The following KIR2DL1 variants were observed in gnomAD, a reference collection of about 807,000 sequenced individuals.
The protein encoded by KIR2DL1 is killer cell immunoglobulin-like receptor 2DL1.
In KIR2DL1, 38 loss-of-function variants were observed where a neutral mutation model predicts 33.9. The ratio of observed to expected loss-of-function variants is 1.12; its 90% CI spans 0.86 to 1.47. The LOEUF (loss-of-function observed/expected upper bound fraction) is 1.47. Among genes scored for constraint, KIR2DL1 ranks in the 40% most tolerant of loss-of-function variants. KIR2DL1 has a pLI of 0.00. For missense variants in KIR2DL1, 531 were observed against 433.9 expected, an observed-to-expected ratio of 1.22 and a Z score of -1.99; for synonymous variants, 179 against 165.9, an observed-to-expected ratio of 1.08 and a Z score of -0.61.
intron 4 of KIR2DL1, among the ~76,000 whole-genome samples, chr19:54,776,555 GAT>G (rs1395802045): frequency 1.4e-5 from 2 of 146,532 alleles, no homozygotes; most frequent in Non-Finnish European, 3.0e-5. Context: ...TACGAGTGCA[GAT>G]ATCACTTCGA....
intron 5 of KIR2DL1, among the ~76,000 whole-genome samples, chr19:54,781,964 C>G (rs1226402378): frequency 6.6e-6 from 1 of 152,050 alleles, no homozygotes; most frequent in Non-Finnish European, 1.5e-5. Context: ...CTATCACTCA[C>G]CGTCACTCCA....
In KIR2DL1 at chr19:54,783,510, C is replaced by G. The variant is rs760600434; in HGVS notation, c.842C>G (p.Ser281Cys). Reference sequence around the variant, plus strand: ...GATGCTGCGGTAATGGACCAAGAGTCTGCAGGAAACAGAACAGCGAATAGC... The same window carrying G: ...GATGCTGCGGTAATGGACCAAGAGTGTGCAGGAAACAGAACAGCGAATAGC... ...KKNAAVMDQESAGNRTANSED... is the reference protein window; with the variant it reads ...KKNAAVMDQECAGNRTANSED... Residue 281 changes from serine to cysteine, a missense_variant, in exon 7 of 8, where the codon TCT (serine) becomes TGT (cysteine). Transcript: ENST00000336077. 3.1e-6 allele frequency: 5 copies of G among 1,613,640 alleles called. No individual in the cohort carries two copies. Among genetic ancestry groups the G allele is most frequent in the Non-Finnish European group, 4.2e-6 (5 of 1,179,798 alleles).
Position 54,775,407 on chromosome 19 carries a change from T to G in KIR2DL1, c.613T>G (p.Ser205Ala), listed in dbSNP as rs762122691. The G allele has an allele frequency of 3.8e-6, 6 of 1,582,746 alleles. 1 individual carries two copies. The highest frequency in any genetic ancestry group is 1.7e-5 in the Admixed American group (1 of 58,710). Residue 205 changes from serine (S) to alanine (A), a missense_variant, in exon 4 of 8, where the codon TCT becomes GCT. Coordinates refer to ENST00000336077, the MANE Select transcript of KIR2DL1 (RefSeq NM_014218.3). The part of the protein sequence containing the change: ...TYRCFGSFHD[S>A]PYEWSKSSDP... ...CAGATGCTTCGGCTCTTTCCATGAC[T>G]CTCCATACGAGTGGTCAAAGTCAAG...
intron 5 of KIR2DL1, among the ~76,000 whole-genome samples, chr19:54,779,225 C>G (rs1356975822): frequency 2.0e-5 from 3 of 148,206 alleles, no homozygotes. Flanking sequence ...CAAATTTCCA[C>G]AAGATTCGTG....
chr19:54,772,262 T>C (rs12609940), intron 2 of KIR2DL1, among the ~76,000 whole-genome samples: 28,949 of 145,762 alleles, frequency 0.2, 4,747 homozygotes, highest in Non-Finnish European at 0.29. Flanking sequence ...TACAGCAGCA[T>C]AATGGGAGTC....
intron 2 of KIR2DL1, 102 bp downstream of exon 2, chr19:54,770,986 G>A (rs2075650029): frequency 1.3e-6 from 2 of 1,487,850 alleles, no homozygotes; most frequent in Admixed American, 1.7e-5. Context: ...AAACTAGGAA[G>A]AAGGGACCCT....
rs1337678901 is a variant in KIR2DL1 at position 54,782,062 on chromosome 19, A to T, written c.716-860A>T. Reference sequence around the variant, plus strand: ...GAGTGACAACAGAAACCTATATTTCAATGTGACCCAGTCCCTCAAGGCTCA... The same window carrying T: ...GAGTGACAACAGAAACCTATATTTCTATGTGACCCAGTCCCTCAAGGCTCA... On this transcript the variant is annotated intron_variant, in intron 5 of 7. Transcript: ENST00000336077. 2.0e-5 allele frequency among the ~76,000 whole-genome samples: 3 copies of T among 152,108 alleles called. No homozygotes were observed. The South Asian group carries it at 6.2e-4, about 31-fold the overall frequency.
At chr19:54,777,614 T>A (rs1358205928) in intron 4 of KIR2DL1, among the ~76,000 whole-genome samples, 1 of 149,048 alleles carries the variant, frequency 6.7e-6, no homozygotes, top group Non-Finnish European at 1.5e-5. Flanking sequence ...GCTCCCAATC[T>A]GTGGGTTGTC....
Position 54,773,378 on chromosome 19 carries a change from T to C in KIR2DL1, c.116T>C (p.Val39Ala). 1 of 1,599,642 alleles carries C rather than the reference T, an allele frequency of 6.3e-7. No homozygotes were observed. The highest frequency in any genetic ancestry group is 8.5e-7 in the Non-Finnish European group (1 of 1,170,756). The change falls in exon 3 of 8, where the codon GTG becomes GCG. Residue 39 changes from valine (V) to alanine (A), a missense_variant. Coordinates refer to ENST00000336077, the MANE Select transcript of KIR2DL1 (RefSeq NM_014218.3). ...PSLLAHPGRLVKSEETVILQC... is the reference protein window; with the variant it reads ...PSLLAHPGRLAKSEETVILQC... ...CTCCTGGCCCACCCAGGTCGCCTGG[T>C]GAAATCAGAAGAGACAGTCATCCTG... is the stretch of plus-strand genomic sequence containing the variant.
At chr19:54,772,446 G>A (rs1182667215) in intron 2 of KIR2DL1, among the ~76,000 whole-genome samples, 2 of 145,508 alleles carry the variant, frequency 1.4e-5, no homozygotes, top group Admixed American at 7.0e-5. Flanking sequence ...AGAATTGGAA[G>A]GGGTTAGTGT....
chr19:54,775,488 C>A, intron 4 of KIR2DL1, 30 bp downstream of exon 4: 1 of 1,564,358 alleles, frequency 6.4e-7, no homozygotes, highest in Non-Finnish European at 8.8e-7. Flanking sequence ...GTCCCATGTC[C>A]TATGATCCTA....
At chr19:54,783,219 T>C (rs1268542722) in intron 6 of KIR2DL1, among the ~76,000 whole-genome samples, 196 bp downstream of exon 6, 29 of 151,538 alleles carry the variant, frequency 1.9e-4, no homozygotes, top group African/African-American at 5.1e-4. Context: ...GATTCTGAAC[T>C]GTATCCCCAT....
intron 3 of KIR2DL1, among the ~76,000 whole-genome samples, chr19:54,773,926 T>C (rs1307572585): frequency 6.7e-6 from 1 of 148,644 alleles, no homozygotes; most frequent in African/African-American, 2.5e-5. Context: ...ATGCTGACTT[T>C]GCTCAGAGAC....
Position 54,783,120 on chromosome 19 carries a change from C to G in KIR2DL1, c.817+97C>G. On this transcript the variant is annotated intron_variant, in intron 6 of 7. Transcript: ENST00000336077. ...GTGTTCCTCACAAACAGGATGGTCC[C>G]TGGCCCAAGGCAGCAGCCACAGAGG... 6 of 1,409,126 alleles carry G rather than the reference C, an allele frequency of 4.3e-6. No homozygotes were observed. In the South Asian group the frequency reaches 6.9e-5, roughly 16 times the overall value. The allele number at this position is 1,409,126 out of a possible 1,614,324, so 87.3% of individuals were successfully genotyped here. A position where few individuals can be genotyped will look rare whatever the true frequency, so the allele number is the denominator to read the frequency against.
chr19:54,783,716 G>A lies in KIR2DL1; in HGVS notation c.950G>A (p.Arg317His), dbSNP rs201527316. 1,624 of 1,613,388 alleles carry A rather than the reference G, an allele frequency of 1.0e-3. 14 individuals carry two copies. In the African/African-American group the frequency reaches 0.017, roughly 17 times the overall value. Residue 317 changes from arginine (R) to histidine (H), a missense_variant, in exon 8 of 8, where the codon CGC becomes CAC. Physicochemically the swap from Arg to His is conservative, Grantham distance 29 (BLOSUM62 0). Coordinates refer to ENST00000336077, the MANE Select transcript of KIR2DL1 (RefSeq NM_014218.3). ...GTTTTCACACAGAGAAAAATCACTC[G>A]CCCTTCTCAGAGGCCCAAGACACCC... ...HCVFTQRKIT[R>H]PSQRPKTPPT...
At chr19:54,771,285 A>G (rs771139107) in intron 2 of KIR2DL1, among the ~76,000 whole-genome samples, 7 of 148,180 alleles carry the variant, frequency 4.7e-5, no homozygotes, top group Non-Finnish European at 9.1e-5. Flanking sequence ...TCAGTTGTTT[A>G]TTTTCGTTCA....
At chr19:54,778,222 G>A (rs1369380890) in intron 4 of KIR2DL1, among the ~76,000 whole-genome samples, 1 of 149,218 alleles carries the variant, frequency 6.7e-6, no homozygotes, top group African/African-American at 2.5e-5. Context: ...TTGCACCTCT[G>A]CACTCCAGCC....
rs1203078669 is a variant in KIR2DL1 at position 54,771,506 on chromosome 19, G to C, written c.70+622G>C. Among the ~76,000 whole-genome samples the C allele has an allele frequency of 1.4e-5, 2 of 147,416 alleles. 1 individual carries two copies. Among genetic ancestry groups the C allele is most frequent in the Non-Finnish European group, 3.0e-5 (2 of 65,930 alleles). ...CCTTTAGCCCTGGGCACCAAGGTGT[G>C]ATAGCAGCCATAGAAACTTGGAAAG... On this transcript the variant is annotated intron_variant, in intron 2 of 7. Coordinates refer to ENST00000336077, the MANE Select transcript of KIR2DL1 (RefSeq NM_014218.3).
chr19:54,769,903 T>C lies in KIR2DL1; in HGVS notation c.34+19T>C. 4 of 1,561,628 alleles carry C rather than the reference T, an allele frequency of 2.6e-6. 1 individual carries two copies. Among genetic ancestry groups the C allele is most frequent in the Non-Finnish European group, 3.5e-6 (4 of 1,141,212 alleles). On this transcript the variant is annotated intron_variant, in intron 1 of 7. Coordinates refer to ENST00000336077, the MANE Select transcript of KIR2DL1 (RefSeq NM_014218.3). Reference sequence around the variant, plus strand: ...TGTGTTGGTGAGTCCTGGAAAGCAATAGAGGGAGGGAGTGAGGGGATGGAG... The same window carrying C: ...TGTGTTGGTGAGTCCTGGAAAGCAACAGAGGGAGGGAGTGAGGGGATGGAG...
Sources: gnomAD v4.1 joint callset for allele counts (sites outside exome capture counted in the v4.1 genomes callset) on GRCh38, gnomAD v4.1.1 for gene constraint, MANE v1.5 for transcripts, NCBI Gene and HGNC (gene_info 2026-07-23, HGNC 2026-07-21) for gene names.